Variants in STK32C observed in about 807,000 individuals in gnomAD.
STK32C encodes the protein serine/threonine-protein kinase 32C.
Under a neutral mutation model 56.5 loss-of-function variants are expected in STK32C, and 31 were observed. The observed-to-expected ratio is 0.55, with a 90% confidence interval of 0.41 to 0.74. The LOEUF (loss-of-function observed/expected upper bound fraction) is 0.74. Ranked by LOEUF, STK32C falls within the 30% of genes least tolerant of loss-of-function variation. STK32C has a pLI of 0.00. For missense variants in STK32C, 544 were observed against 676.9 expected (o/e 0.80, Z 2.18); for synonymous variants, 309 against 289.4 (o/e 1.07, Z -0.69).
At chr10:132,266,158 G>A (rs1483546102) in intron 1 of STK32C, among the ~76,000 whole-genome samples, 1 of 152,188 alleles carries the variant, frequency 6.6e-6, no homozygotes, top group African/African-American at 2.4e-5. Context: ...TCTTTTAAAG[G>A]AACAAACTCC....
chr10:132,271,109 T>C (rs79866277), intron 1 of STK32C, among the ~76,000 whole-genome samples: 2,678 of 152,128 alleles, frequency 0.018, 81 homozygotes, highest in African/African-American at 0.06. Context: ...AGGGCTCCAT[T>C]ATCAGATAGA....
At chr10:132,310,754 C>T (rs1234478167), upstream of STK32C, among the ~76,000 whole-genome samples, 8 of 152,226 alleles carry the variant, frequency 5.3e-5, no homozygotes, top group African/African-American at 1.4e-4. This position sits in a 1 kb window ranked among gnomAD's most constrained non-coding sequence, Gnocchi z 4.6. Flanking sequence ...GTCTAGCACG[C>T]AGGAGCACAC....
intron 10 of STK32C, among the ~76,000 whole-genome samples, chr10:132,210,791 G>A (rs1445075244): frequency 2.6e-5 from 4 of 152,218 alleles, no homozygotes; most frequent in African/African-American, 4.8e-5. Context: ...AGCAGCTCAC[G>A]TTCCCCACCC....
chr10:132,287,744 C>T (rs900310358), intron 1 of STK32C, among the ~76,000 whole-genome samples: 13 of 152,122 alleles, frequency 8.5e-5, no homozygotes, highest in Admixed American at 2.6e-4. Context: ...TGAGCCACTG[C>T]GCCTGGCCAA....
chr10:132,275,224 C>T (rs2064960284), intron 1 of STK32C, among the ~76,000 whole-genome samples: 1 of 152,200 alleles, frequency 6.6e-6, no homozygotes, highest in Non-Finnish European at 1.5e-5. Flanking sequence ...TGTCTCTGGG[C>T]AGTGCTGCCC....
At chr10:132,296,589 GTTGT>G (rs1156232581) in intron 1 of STK32C, among the ~76,000 whole-genome samples, 1 of 152,092 alleles carries the variant, frequency 6.6e-6, no homozygotes, top group Admixed American at 6.5e-5. Context: ...ACTACAAATG[GTTGT>G]TTATCAGTGC....
chr10:132,306,853 T>TTCGGGGGTCC (rs1208370490), intron 1 of STK32C: 3 of 152,194 alleles, frequency 2.0e-5, no homozygotes, highest in African/African-American at 7.2e-5. Flanking sequence ...CAGGTGATAA[T>TTCGGGGGTCC]TCGGGGGTCC....
At chr10:132,325,221 T>C (rs968536786) in intron 1 of STK32C, among the ~76,000 whole-genome samples, 1 of 152,108 alleles carries the variant, frequency 6.6e-6, no homozygotes, top group African/African-American at 2.4e-5. Flanking sequence ...GTTCTCATGA[T>C]AGTGAATAAG....
chr10:132,239,687 C>T (rs1053107027), intron 2 of STK32C, among the ~76,000 whole-genome samples: 4 of 152,222 alleles, frequency 2.6e-5, no homozygotes, highest in Admixed American at 6.5e-5. Flanking sequence ...CCCGGGAGCC[C>T]GGCAGCAGGC....
chr10:132,220,652 T>C (rs2062609143), intron 10 of STK32C, among the ~76,000 whole-genome samples: 1 of 152,244 alleles, frequency 6.6e-6, no homozygotes, highest in Admixed American at 6.5e-5. Context: ...ACCATCACAA[T>C]AGGAAGCAAA....
chr10:132,212,788 G>C (rs1007335409), intron 10 of STK32C, among the ~76,000 whole-genome samples: 5 of 152,204 alleles, frequency 3.3e-5, no homozygotes, highest in African/African-American at 1.2e-4. Flanking sequence ...CCATCCCTGC[G>C]ACAGGAAAAA....
chr10:132,324,397 C>G (rs2066460460), intron 1 of STK32C: 1 of 767,910 alleles, frequency 1.3e-6, no homozygotes, highest in East Asian at 2.4e-5. Flanking sequence ...CAGAGGTCAT[C>G]TTCACTTTGC....
intron 1 of STK32C, among the ~76,000 whole-genome samples, chr10:132,266,663 AGG>A (rs977259942): frequency 2.6e-5 from 4 of 151,780 alleles, no homozygotes; most frequent in African/African-American, 9.7e-5. Flanking sequence ...GCCCTGGGGG[AGG>A]AACGAGCCAG....
intron 1 of STK32C, among the ~76,000 whole-genome samples, chr10:132,294,653 G>T (rs945264839): frequency 9.2e-5 from 14 of 152,154 alleles, no homozygotes; most frequent in African/African-American, 3.1e-4. Context: ...AGCTAGTTGT[G>T]TACACAGCTA....
At chr10:132,237,770 T>A (rs1486862990) in intron 2 of STK32C, among the ~76,000 whole-genome samples, 1 of 152,186 alleles carries the variant, frequency 6.6e-6, no homozygotes. Flanking sequence ...CCCTAGAGCC[T>A]GGAGGAGAAC....
intron 1 of STK32C, among the ~76,000 whole-genome samples, chr10:132,327,327 C>T (rs1269481289): frequency 1.3e-5 from 2 of 152,186 alleles, no homozygotes; most frequent in Non-Finnish European, 1.5e-5. Flanking sequence ...TGTGAGGCCT[C>T]CCCGGCCATG....
At chr10:132,223,545 G>C (rs550497692) in intron 8 of STK32C, among the ~76,000 whole-genome samples, 3 of 152,230 alleles carry the variant, frequency 2.0e-5, no homozygotes, top group African/African-American at 7.2e-5. Flanking sequence ...CCCCACGCAG[G>C]CCCTCTCTAG....
intron 1 of STK32C, among the ~76,000 whole-genome samples, chr10:132,265,696 A>G (rs2064496172): frequency 6.6e-6 from 1 of 152,248 alleles, no homozygotes; most frequent in African/African-American, 2.4e-5. Context: ...AGCACATTAA[A>G]GATGGGCAAG....
rs2062805575 is a variant in STK32C, at chr10:132,224,509, G to A, written c.891C>T (p.Ile297=). The A allele has an allele frequency of 1.3e-6, 2 of 1,591,910 alleles. No individual in the cohort carries two copies. Among genetic ancestry groups the A allele is most frequent in the Non-Finnish European group, 1.7e-6 (2 of 1,169,950 alleles). Residue 297 remains isoleucine (I), a synonymous_variant, in exon 8 of 12, where the codon ATC becomes ATT. Transcript: ENST00000298630. ...ELLRGWRPYD[I]HSSNAVESLV... is the part of the protein sequence containing the mutation. ...GGGACTCCACGGCGTTGCTGGAGTG[G>A]ATGTCATAGGGCCTCTGGAGACAGG...
Sources: allele counts gnomAD v4.1 joint callset (sites outside exome capture counted in the v4.1 genomes callset), GRCh38; gene constraint gnomAD v4.1.1; non-coding constraint Gnocchi (gnomAD v3.1); transcripts MANE v1.5; gene names NCBI Gene and HGNC (gene_info 2026-07-23, HGNC 2026-07-21).